SCMH1: variants seen among roughly 807,000 people sequenced by gnomAD.
SCMH1 encodes the protein Scm polycomb group protein homolog 1, also known as polycomb protein SCMH1.
Under a neutral mutation model 70.8 loss-of-function variants are expected in SCMH1, and 37 were observed. That is an observed-to-expected ratio of 0.52 (90% CI 0.40 to 0.69). The LOEUF is 0.69. SCMH1 is among the 30% of genes least tolerant of loss of function. The pLI, the probability that SCMH1 is intolerant of heterozygous loss-of-function variation, is 0.00. For synonymous variants in SCMH1, 292 were observed against 307.4 expected (o/e 0.95, Z 0.52); for missense variants, 607 against 827.3 (o/e 0.73, Z 3.27).
intron 2 of SCMH1, among the ~76,000 whole-genome samples, chr1:41,171,779 T>A (rs1423124706): frequency 6.6e-6 from 1 of 152,156 alleles, no homozygotes; most frequent in Non-Finnish European, 1.5e-5. Flanking sequence ...ATTAAACATG[T>A]TTCTGAATAA....
intron 1 of SCMH1, among the ~76,000 whole-genome samples, chr1:41,202,877 G>A (rs1279913663): frequency 1.3e-5 from 2 of 151,942 alleles, no homozygotes; most frequent in East Asian, 3.9e-4. Flanking sequence ...AGAAATATAA[G>A]CATAATGTTC....
chr1:41,152,482 G>A, intron 4 of SCMH1: 1 of 1,097,802 alleles, frequency 9.1e-7, no homozygotes, highest in Non-Finnish European at 1.3e-6. Flanking sequence ...CTGTGCTGGG[G>A]GAAGGGAAAA....
At chr1:41,110,421 A>T (rs1668990803) in intron 8 of SCMH1, among the ~76,000 whole-genome samples, 1 of 152,214 alleles carries the variant, frequency 6.6e-6, no homozygotes, top group Admixed American at 6.5e-5. Flanking sequence ...CATTATCCTC[A>T]AAAGAAACCC....
intron 10 of SCMH1, 70 bp downstream of exon 10, chr1:41,070,525 G>A: frequency 6.3e-7 from 1 of 1,588,030 alleles, no homozygotes; most frequent in South Asian, 1.1e-5. Context: ...AATTACTGGT[G>A]TAAGACAAAA....
At chr1:41,086,395 T>G (rs1661684004) in intron 8 of SCMH1, among the ~76,000 whole-genome samples, 1 of 152,094 alleles carries the variant, frequency 6.6e-6, no homozygotes, top group Non-Finnish European at 1.5e-5. Flanking sequence ...CATATGAAGA[T>G]AATTACAAAA....
intron 9 of SCMH1, among the ~76,000 whole-genome samples, chr1:41,071,658 G>A (rs1656553631): frequency 7.9e-6 from 1 of 127,372 alleles, no homozygotes; most frequent in South Asian, 2.5e-4. Flanking sequence ...CTAAGAAATA[G>A]TTTCCTAAAA....
At chr1:41,087,718 G>T (rs112634465) in intron 8 of SCMH1, among the ~76,000 whole-genome samples, 4 of 152,080 alleles carry the variant, frequency 2.6e-5, no homozygotes, top group African/African-American at 9.6e-5. Flanking sequence ...AATGAAAACT[G>T]GTAGCATCTC....
rs1221982934 is a variant in SCMH1 at position 41,076,172 on chromosome 1, T to A, written c.746-721A>T. Among the ~76,000 whole-genome samples the A allele has an allele frequency of 3.9e-5, 6 of 152,194 alleles. No homozygotes were observed. The East Asian group carries it at 1.2e-3, about 29-fold the overall frequency. On this transcript the variant is annotated intron_variant, in intron 8 of 14. Coordinates refer to ENST00000337495, the Ensembl canonical transcript of SCMH1. Reference sequence around the variant, plus strand: ...ACCCCATGTTCTAGTAGCCCTTATATGTTGAGCTCTCTATTACTCTTTGTC... The same window carrying A: ...ACCCCATGTTCTAGTAGCCCTTATAAGTTGAGCTCTCTATTACTCTTTGTC...
intron 1 of SCMH1, among the ~76,000 whole-genome samples, chr1:41,230,309 T>C (rs925774807): frequency 2.0e-5 from 3 of 152,058 alleles, no homozygotes; most frequent in Non-Finnish European, 2.9e-5. Context: ...AAAGATTCTT[T>C]AGATATTTAG....
intron 1 of SCMH1, among the ~76,000 whole-genome samples, chr1:41,215,799 A>T (rs1375481452): frequency 6.6e-6 from 1 of 152,148 alleles, no homozygotes; most frequent in Non-Finnish European, 1.5e-5. Flanking sequence ...GTGAAGCCCT[A>T]AGGGATGTCT....
intron 2 of SCMH1, among the ~76,000 whole-genome samples, chr1:41,165,863 T>C (rs1228622128): frequency 6.6e-6 from 1 of 152,262 alleles, no homozygotes; most frequent in East Asian, 1.9e-4. Context: ...TCCTTTTCTA[T>C]GCAGTAGCTT....
At chr1:41,048,407 G>T (rs892826881) in intron 11 of SCMH1, among the ~76,000 whole-genome samples, 1 of 152,112 alleles carries the variant, frequency 6.6e-6, no homozygotes, top group African/African-American at 2.4e-5. Context: ...GCCCCCTCTG[G>T]ATTCTTTCTC....
intron 10 of SCMH1, among the ~76,000 whole-genome samples, chr1:41,062,735 T>C (rs1653140749): frequency 7.2e-6 from 1 of 139,026 alleles, no homozygotes; most frequent in Admixed American, 7.4e-5. Flanking sequence ...AGAGACTCCA[T>C]CTCAGAAAAA....
At chr1:41,057,994 C>T (rs1429455755) in intron 10 of SCMH1, among the ~76,000 whole-genome samples, 5 of 151,416 alleles carry the variant, frequency 3.3e-5, no homozygotes, top group Non-Finnish European at 7.4e-5. Context: ...TGGTGGCGTG[C>T]GCCTGTAGTC....
intron 1 of SCMH1, among the ~76,000 whole-genome samples, chr1:41,220,346 C>T (rs147556684): frequency 1.3e-5 from 2 of 152,220 alleles, no homozygotes; most frequent in African/African-American, 4.8e-5. Flanking sequence ...AATTCCTTGA[C>T]TCATGAAATA....
chr1:41,073,124 C>A (rs142716580), intron 9 of SCMH1, among the ~76,000 whole-genome samples: 3 of 152,304 alleles, frequency 2.0e-5, no homozygotes, highest in African/African-American at 7.2e-5. Flanking sequence ...TTTGAATGAT[C>A]TTAAAGGCCA....
Position 41,234,453 on chromosome 1 carries a change from CTTTTTTTTTTTTTTTTTT to C in SCMH1, c.-118+7588_-118+7605del, listed in dbSNP as rs66686109. On this transcript the variant is annotated intron_variant, in intron 1 of 14. Coordinates refer to ENST00000337495, the Ensembl canonical transcript of SCMH1. ...GCTGGGCAACGGAGCAACTCTGCCT[CTTTTTTTTTTTTTTTTTT>C]TTTTTTTTTTTTTTGAGACACAGTC... Among the ~76,000 whole-genome samples, 21 of 49,424 alleles carry C rather than the reference CTTTTTTTTTTTTTTTTTT, an allele frequency of 4.2e-4. 1 individual carries two copies. In the South Asian group the frequency reaches 7.5e-3, roughly 18 times the overall value. The allele number at this position is 49,424 out of a possible 152,430, so 32.4% of individuals were successfully genotyped here. A position where few individuals can be genotyped will look rare whatever the true frequency, so the allele number is the denominator to read the frequency against.
chr1:41,046,586 C>T lies in SCMH1; in HGVS notation c.1319G>A (p.Arg440Gln), dbSNP rs563320674. The T allele has an allele frequency of 5.9e-5, 96 of 1,613,970 alleles. No individual in the cohort carries two copies. The South Asian group carries it at 6.6e-4, about 11-fold the overall frequency. Residue 440 changes from arginine to glutamine, a missense_variant, in exon 12 of 15, where the codon CGG becomes CAG. Physicochemically the swap from Arg to Gln is conservative, Grantham distance 43 (BLOSUM62 1). Transcript: ENST00000337495. Reference sequence around the variant, plus strand: ...TGGGAGGTTGAGGGTATGCTGTTCCCGGTCAAACACGGCTGTGGAGTGAGT... The same window carrying T: ...TGGGAGGTTGAGGGTATGCTGTTCCTGGTCAAACACGGCTGTGGAGTGAGT...
intron 8 of SCMH1, among the ~76,000 whole-genome samples, chr1:41,103,526 G>T (rs1205759902): frequency 1.3e-5 from 2 of 152,068 alleles, no homozygotes; most frequent in Non-Finnish European, 2.9e-5. Context: ...TTAAAATTGG[G>T]GATTTTGTAA....
Sources: gnomAD v4.1 joint callset for allele counts (sites outside exome capture counted in the v4.1 genomes callset) on GRCh38, gnomAD v4.1.1 for gene constraint, MANE v1.5 for transcripts, NCBI Gene and HGNC (gene_info 2026-07-23, HGNC 2026-07-21) for gene names.